Variants in ITPR1 observed in about 807,000 individuals in gnomAD.
ITPR1 encodes the protein inositol 1,4,5-trisphosphate receptor type 1, also known as inositol 1,4,5-trisphosphate-gated calcium channel ITPR1.
A neutral mutation model predicts 318.4 loss-of-function variants in ITPR1; 96 were observed. That is an observed-to-expected ratio of 0.30 (90% CI 0.26 to 0.36). The LOEUF (loss-of-function observed/expected upper bound fraction) is 0.36. ITPR1 is among the 10% of genes least tolerant of loss of function. The pLI, the probability that ITPR1 is intolerant of heterozygous loss-of-function variation, is 1.00. For missense variants in ITPR1, 2,440 were observed against 3,460.2 expected (o/e 0.71, Z 7.40); for synonymous variants, 1,312 against 1,289.9 (o/e 1.02, Z -0.37).
intron 4 of ITPR1, among the ~76,000 whole-genome samples, chr3:4,605,206 C>A (rs188315251): frequency 3.3e-5 from 5 of 152,126 alleles, no homozygotes; most frequent in South Asian, 2.1e-4. Context: ...TCCACCTCGG[C>A]CTCCCAAAGT....
chr3:4,503,595 TG>T (rs2081188959), intron 2 of ITPR1, among the ~76,000 whole-genome samples: 1 of 152,094 alleles, frequency 6.6e-6, no homozygotes, highest in Non-Finnish European at 1.5e-5. Context: ...GAGATATTTT[TG>T]GTTGTTCTAT....
rs75940209 is a variant in ITPR1 at position 4,507,696 on chromosome 3, A to C, written c.-16-8780A>C. 1.6e-4 allele frequency among the ~76,000 whole-genome samples: 24 copies of C among 152,352 alleles called. No individual in the cohort carries two copies. In the East Asian group the frequency reaches 4.4e-3, roughly 28 times the overall value. ...CATAGGTTCCTCTCTGTGTCTGAGA[A>C]TAGCAGCTTCAAGTGTAACTTCCTT... On this transcript the variant is annotated intron_variant, in intron 2 of 61. Transcript: ENST00000649015.
intron 44 of ITPR1, among the ~76,000 whole-genome samples, chr3:4,747,495 G>A (rs980677459): frequency 6.6e-6 from 1 of 152,210 alleles, no homozygotes; most frequent in African/African-American, 2.4e-5. Context: ...CAGGCAGATT[G>A]GAAGTTGTGC....
At chr3:4,831,131 T>TCTCACACA (rs879032970) in intron 60 of ITPR1, 9 of 349,408 alleles carry the variant, frequency 2.6e-5, no homozygotes, top group African/African-American at 7.7e-5. Flanking sequence ...TCTCTCTCTC[T>TCTCACACA]CACACACACA....
At chr3:4,662,520 C>G (rs542040707) in intron 15 of ITPR1, among the ~76,000 whole-genome samples, 1 of 152,066 alleles carries the variant, frequency 6.6e-6, no homozygotes, top group Non-Finnish European at 1.5e-5. Flanking sequence ...GTCAGCAGTT[C>G]GAGACCAGCC....
rs183545956 is a variant in ITPR1 at position 4,802,520 on chromosome 3, G to A, written c.7107+1920G>A. On this transcript the variant is annotated intron_variant, in intron 54 of 61. Transcript: ENST00000649015. ...TAGAAGAAAGAAGGAAGGTATGGAC[G>A]TCAGAAATGGGAAGGAAACAGGCTG... is the stretch of plus-strand genomic sequence containing the variant. Among the ~76,000 whole-genome samples the A allele has an allele frequency of 7.4e-4, 113 of 152,160 alleles. 7 individuals are homozygous for A. The South Asian group carries it at 0.012, about 16-fold the overall frequency.
At chr3:4,719,051 G>T (rs2041962713) in intron 40 of ITPR1, among the ~76,000 whole-genome samples, 1 of 152,200 alleles carries the variant, frequency 6.6e-6, no homozygotes. Context: ...TTGCCCCATA[G>T]TAATCAGTTG....
intron 39 of ITPR1, among the ~76,000 whole-genome samples, chr3:4,714,829 TC>T (rs2125288368): frequency 6.6e-6 from 1 of 152,348 alleles, no homozygotes; most frequent in African/African-American, 2.4e-5. Context: ...TGTTTGGGTC[TC>T]CCTGCCTTGG....
In ITPR1 at chr3:4,706,330, G is replaced by A. The variant is rs116819405; in HGVS notation, c.4821G>A (p.Arg1607=). The A allele has an allele frequency of 5.0e-6, 8 of 1,612,732 alleles. No individual in the cohort carries two copies. The African/African-American group carries it at 9.3e-5, about 19-fold the overall frequency. The change falls in exon 37 of 62, where the codon CGG becomes CGA. Residue 1607 remains arginine (R), a synonymous_variant. Transcript: ENST00000649015. The part of the protein sequence containing the change: ...DSVLAASRDY[R]NIIERLQDIV... ...TTCTGGCAGCTTCCAGAGACTACCG[G>A]AATATCATTGAGAGATTGCAGGTAA...
At chr3:4,786,792 G>T (rs2047226394) in intron 51 of ITPR1, among the ~76,000 whole-genome samples, 1 of 152,216 alleles carries the variant, frequency 6.6e-6, no homozygotes, top group African/African-American at 2.4e-5. Context: ...ATAAAGAACA[G>T]TGAGTGCTGC....
rs1324641879 is a variant in ITPR1 at position 4,580,827 on chromosome 3, AGT to A, written c.164-46934_164-46933del. 5.3e-5 allele frequency among the ~76,000 whole-genome samples: 8 copies of A among 151,292 alleles called. No individual in the cohort carries two copies. The South Asian group carries it at 1.0e-3, about 20-fold the overall frequency. ...GCCGCCTCTTGGGGAAGAGGGATAC[AGT>A]GGGCACATAGGGTGAGTGGCGCCCT... On this transcript the variant is annotated intron_variant, in intron 4 of 61. Transcript: ENST00000649015.
intron 40 of ITPR1, chr3:4,724,279 A>G (rs1174117765): frequency 6.6e-6 from 1 of 152,252 alleles, no homozygotes; most frequent in Non-Finnish European, 1.5e-5. Flanking sequence ...CTGTTGGGAA[A>G]TAGACAAAAG....
chr3:4,516,072 C>T (rs942777345), intron 2 of ITPR1, among the ~76,000 whole-genome samples: 2 of 152,174 alleles, frequency 1.3e-5, no homozygotes, highest in Admixed American at 6.5e-5. Flanking sequence ...ACTTAACATT[C>T]CCTGAAGCAA....
chr3:4,844,344 G>A (rs982809660), intron 61 of ITPR1, among the ~76,000 whole-genome samples: 3 of 152,022 alleles, frequency 2.0e-5, no homozygotes, highest in Non-Finnish European at 4.4e-5. Context: ...GGCTGGTCTC[G>A]AACTCCTGGG....
Position 4,804,941 on chromosome 3 carries a change from A to G in ITPR1, c.7108-1162A>G, listed in dbSNP as rs73098046. On this transcript the variant is annotated intron_variant, in intron 54 of 61. Transcript: ENST00000649015. The stretch of plus-strand genomic sequence containing the variant: ...AGAGTAGCAGAAGATGGTTTTACCA[A>G]GTGCATCCAGAGAGGTCCCTCTCTG... Among the ~76,000 whole-genome samples the G allele has an allele frequency of 3.2e-3, 486 of 152,210 alleles. 4 individuals carry two copies. The highest frequency in any genetic ancestry group is 0.011 in the African/African-American group (453 of 41,528).
At chr3:4,514,184 C>T (rs2082028674) in intron 2 of ITPR1, among the ~76,000 whole-genome samples, 1 of 152,152 alleles carries the variant, frequency 6.6e-6, no homozygotes, top group African/African-American at 2.4e-5. Flanking sequence ...CTCTGTATTA[C>T]ACCTCAGTGT....
intron 4 of ITPR1, among the ~76,000 whole-genome samples, chr3:4,582,886 T>A (rs1465035657): frequency 6.6e-6 from 1 of 152,216 alleles, no homozygotes; most frequent in Non-Finnish European, 1.5e-5. Context: ...TGCTTTAGTA[T>A]GTCTGTGCTC....
rs559039638 is a variant in ITPR1, at chr3:4,847,462, T to G, written c.*1237T>G. ...TTCTGAAATGAGTAAAGTTTGTAAA[T>G]GCATATATAAAAATATTTAATAAAT... On this transcript the variant is annotated 3_prime_UTR_variant, in exon 62 of 62. Transcript: ENST00000649015. The G allele has an allele frequency of 7.3e-5, 11 of 151,208 alleles. No homozygotes were observed. The East Asian group carries it at 2.1e-3, about 29-fold the overall frequency. 9.4% of individuals were successfully genotyped at this position (151,208 alleles called of 1,614,324 possible).
intron 60 of ITPR1, among the ~76,000 whole-genome samples, chr3:4,822,134 G>A (rs1255871623): frequency 1.3e-5 from 2 of 152,172 alleles, no homozygotes; most frequent in Non-Finnish European, 2.9e-5. Context: ...TCTGTACATC[G>A]CGGTTCCTAC....
Sources: gnomAD v4.1 joint callset for allele counts (sites outside exome capture counted in the v4.1 genomes callset) on GRCh38, gnomAD v4.1.1 for gene constraint, MANE v1.5 for transcripts, NCBI Gene and HGNC (gene_info 2026-07-23, HGNC 2026-07-21) for gene names.